The following NR1H3 variants were observed in gnomAD, a reference collection of about 807,000 sequenced individuals.
NR1H3 encodes nuclear receptor subfamily 1 group H member 3.
In NR1H3, 19 loss-of-function variants were observed where a neutral mutation model predicts 48.1. The ratio of observed to expected loss-of-function variants is 0.40; its 90% confidence interval spans 0.28 to 0.58. The LOEUF (loss-of-function observed/expected upper bound fraction) is 0.58. Ranked by LOEUF, NR1H3 falls within the 20% of genes least tolerant of loss-of-function variation. The pLI is 0.50. For missense variants in NR1H3, 486 were observed against 595.9 expected (o/e 0.82, Z 1.92); for synonymous variants, 232 against 227.3 (o/e 1.02, Z -0.19).
upstream of NR1H3, among the ~76,000 whole-genome samples, chr11:47,255,615 C>CTCTCTCTCTCTTTCTTTCTTTCTT (rs1554981334): frequency 3.2e-5 from 3 of 93,206 alleles, no homozygotes; most frequent in African/African-American, 1.4e-4. Flanking sequence ...CTCTCTCTCT[C>CTCTCTCTCTCTTTCTTTCTTTCTT]TCTTTCTTTC....
At chr11:47,252,110 A>G (rs1954714108) in intron 1 of NR1H3, among the ~76,000 whole-genome samples, 1 of 152,022 alleles carries the variant, frequency 6.6e-6, no homozygotes, top group Admixed American at 6.6e-5. Flanking sequence ...ATGTGGGCCT[A>G]TCCCAGATCA....
intron 4 of NR1H3, 28 bp from the exon 5 acceptor site, chr11:47,261,213 C>T: frequency 6.2e-7 from 1 of 1,600,702 alleles, no homozygotes; most frequent in Non-Finnish European, 8.5e-7. Flanking sequence ...CCATCTGCTC[C>T]CTTCCTCATA....
chr11:47,264,190 T>A (rs761298554), intron 7 of NR1H3, among the ~76,000 whole-genome samples: 3 of 152,134 alleles, frequency 2.0e-5, no homozygotes, highest in Non-Finnish European at 2.9e-5. Context: ...GAATTGAGCT[T>A]CAGCAGGAAA....
At chr11:47,260,903 A>G (rs1955775847) in intron 4 of NR1H3, among the ~76,000 whole-genome samples, 1 of 151,920 alleles carries the variant, frequency 6.6e-6, no homozygotes, top group African/African-American at 2.4e-5. Context: ...TGGCCAACAT[A>G]GTGAAACCCC....
chr11:47,258,708 T>C (rs534898632), intron 1 of NR1H3: 51 of 160,062 alleles, frequency 3.2e-4, no homozygotes, highest in Non-Finnish European at 6.1e-4. Context: ...TAATCTCAGA[T>C]ACTCAGGAAG....
rs1291414987 is a variant in NR1H3 at position 47,268,442 on chromosome 11, TCTGA to T, written c.1197+91_1197+94del. The T allele has an allele frequency of 4.4e-6, 7 of 1,587,790 alleles. No individual in the cohort carries two copies. The South Asian group carries it at 4.4e-5, about 10-fold the overall frequency. ...CCTACTTTCCCTTCAAGAATTTCTC[TCTGA>T]CTGCATGCTGTGCAGACAATTCACC... On this transcript the variant is annotated intron_variant, in intron 9 of 9. Coordinates refer to ENST00000441012, the MANE Select transcript of NR1H3 (RefSeq NM_005693.4).
chr11:47,257,479 C>T (rs1201713503), upstream of NR1H3: 3 of 190,800 alleles, frequency 1.6e-5, no homozygotes, highest in Admixed American at 2.0e-4. Flanking sequence ...CTGCCTCTCT[C>T]CACCCCTGGA....
chr11:47,260,568 A>G lies in NR1H3; in HGVS notation c.392A>G (p.His131Arg), dbSNP rs755441726. 8.1e-6 allele frequency: 13 copies of G among 1,614,100 alleles called. No homozygotes were observed. Among genetic ancestry groups the G allele is most frequent in the East Asian group, 2.2e-5 (1 of 44,900 alleles). ...CGCCGCAGCGTCATCAAGGGAGCGC[A>G]CTACATCTGCCACAGTGGCGGCCAC... ...FFRRSVIKGA[H>R]YICHSGGHCP... The change falls in exon 4 of 10, where the codon CAC becomes CGC. Residue 131 changes from histidine to arginine, a missense_variant. By Grantham distance (29) the His-to-Arg change is conservative. Coordinates refer to ENST00000441012, the MANE Select transcript of NR1H3 (RefSeq NM_005693.4).
intron 7 of NR1H3, among the ~76,000 whole-genome samples, chr11:47,266,262 C>T (rs1171647836): frequency 2.0e-5 from 3 of 151,814 alleles, no homozygotes; most frequent in South Asian, 2.1e-4. Context: ...AATGCAGCCT[C>T]GACCTTCTGG....
chr11:47,252,607 A>G (rs1003732377), intron 1 of NR1H3, among the ~76,000 whole-genome samples: 5 of 131,912 alleles, frequency 3.8e-5, no homozygotes, highest in African/African-American at 1.4e-4. Flanking sequence ...AGAGTCTCCC[A>G]CTGTCGCCCA....
intron 3 of NR1H3, among the ~76,000 whole-genome samples, chr11:47,260,206 G>A (rs1207110872): frequency 3.9e-5 from 6 of 152,200 alleles, no homozygotes; most frequent in Non-Finnish European, 7.3e-5. Flanking sequence ...TTGTCATAAG[G>A]ATCAGTGCAT....
rs1956981638 is a variant in NR1H3 at position 47,267,901 on chromosome 11, C to T, written c.989-12C>T. ...CCTGCTGCTTGCGTCAGCCTCCCTT[C>T]TTCCTCCCCAGGGCTGCAAGTGGAA... On this transcript the variant is annotated splice_polypyrimidine_tract_variant and intron_variant, in intron 7 of 9. Coordinates refer to ENST00000441012, the MANE Select transcript of NR1H3 (RefSeq NM_005693.4). 2 of 1,602,130 alleles carry T rather than the reference C, an allele frequency of 1.2e-6. No homozygotes were observed. Among genetic ancestry groups the T allele is most frequent in the African/African-American group, 1.3e-5 (1 of 74,828 alleles).
At chr11:47,255,671 T>TC (rs1955101205), upstream of NR1H3, among the ~76,000 whole-genome samples, 2 of 145,272 alleles carry the variant, frequency 1.4e-5, no homozygotes, top group South Asian at 2.4e-4. Flanking sequence ...CTCTCTCTCT[T>TC]TCTTTCTTCT....
upstream of NR1H3, chr11:47,248,759 C>T (rs563102892): frequency 3.1e-6 from 5 of 1,603,626 alleles, no homozygotes; most frequent in Non-Finnish European, 4.3e-6. Context: ...AGGAGAGCCG[C>T]CCGGCTCCAG....
upstream of NR1H3, among the ~76,000 whole-genome samples, chr11:47,255,653 TTCTCTC>T (rs1333432363): frequency 7.8e-6 from 1 of 128,056 alleles, no homozygotes; most frequent in South Asian, 2.7e-4. Context: ...TTCTTTCTCT[TTCTCTC>T]TCTCTCTCTC....
chr11:47,248,408 G>A (rs1237025685), upstream of NR1H3: 4 of 1,527,962 alleles, frequency 2.6e-6, no homozygotes, highest in Non-Finnish European at 3.5e-6. Context: ...GACAACTGGG[G>A]AAAAAAGATA....
rs763443872 is a variant in NR1H3, at chr11:47,268,227, A to G, written c.1103-34A>G. 3.1e-6 allele frequency: 5 copies of G among 1,601,300 alleles called. No individual in the cohort carries two copies. In the South Asian group the frequency reaches 5.5e-5, roughly 18 times the overall value. On this transcript the variant is annotated intron_variant, in intron 8 of 9. Transcript: ENST00000441012. ...TGGGGTATGGAACTGGACCCTGGCC[A>G]GACCTGCTCCTCAACTCTCTTGGTG...
intron 7 of NR1H3, among the ~76,000 whole-genome samples, chr11:47,263,007 A>G (rs1326998610): frequency 6.6e-6 from 1 of 152,178 alleles, no homozygotes; most frequent in East Asian, 1.9e-4. Flanking sequence ...TATTCCAAGG[A>G]ACCTGAGAGA....
chr11:47,260,724 G>C, intron 4 of NR1H3, 49 bp downstream of exon 4: 4 of 1,532,496 alleles, frequency 2.6e-6, no homozygotes, highest in Non-Finnish European at 3.5e-6. Flanking sequence ...GAAAGAGGGG[G>C]CCAGGGTGTG....
Sources: allele counts gnomAD v4.1 joint callset (sites outside exome capture counted in the v4.1 genomes callset), GRCh38; gene constraint gnomAD v4.1.1; transcripts MANE v1.5; gene names NCBI Gene and HGNC (gene_info 2026-07-23, HGNC 2026-07-21).